Variants in ADCY2 observed in about 807,000 individuals in gnomAD.
ADCY2 encodes adenylate cyclase type 2.
In ADCY2, 31 loss-of-function variants were observed where a neutral mutation model predicts 125.2. That is an observed-to-expected ratio of 0.25 (90% CI 0.19 to 0.33). The LOEUF is 0.33. ADCY2 is among the 10% of genes least tolerant of loss of function. The pLI is 1.00. For synonymous variants in ADCY2, 512 were observed against 548.4 expected, an observed-to-expected ratio of 0.93 and a Z score of 0.93; for missense variants, 904 against 1,418.2, an observed-to-expected ratio of 0.64 and a Z score of 5.82.
intron 2 of ADCY2, among the ~76,000 whole-genome samples, chr5:7,459,821 C>G (rs1440392818): frequency 1.8e-5 from 2 of 112,040 alleles, no homozygotes; most frequent in Non-Finnish European, 3.3e-5. Context: ...GAGTCTGGCT[C>G]TCTCGCCCAG....
At chr5:7,573,017 A>T (rs1474897820) in intron 3 of ADCY2, among the ~76,000 whole-genome samples, 2 of 152,134 alleles carry the variant, frequency 1.3e-5, no homozygotes, top group Non-Finnish European at 2.9e-5. Flanking sequence ...TTGAAGAGAC[A>T]ATTAGGACAC....
intron 2 of ADCY2, among the ~76,000 whole-genome samples, chr5:7,471,384 ATTTTGGCT>A (rs1742331312): frequency 2.0e-5 from 3 of 151,616 alleles, no homozygotes; most frequent in African/African-American, 7.2e-5. Flanking sequence ...AAAATCTCCC[ATTTTGGCT>A]TATTATTTAT....
chr5:7,445,234 G>T (rs183031790), intron 2 of ADCY2, among the ~76,000 whole-genome samples: 106 of 152,106 alleles, frequency 7.0e-4, no homozygotes, highest in Non-Finnish European at 1.1e-3. Flanking sequence ...ACTGATTCAT[G>T]GGGCATTTGT....
At position 7,664,753 on chromosome 5, in the gene ADCY2, T is replaced by A. The variant is rs182311279; in HGVS notation, c.721-25938T>A. On this transcript the variant is annotated intron_variant, in intron 4 of 24. Coordinates refer to ENST00000338316, the MANE Select transcript of ADCY2 (RefSeq NM_020546.3). The stretch of plus-strand genomic sequence containing the variant: ...CTTCTTCCTTTCCAGACCCAGGAAA[T>A]CATCAACTAAGAGACAGGCACCCTT... Among the ~76,000 whole-genome samples the A allele has an allele frequency of 3.9e-5, 6 of 152,218 alleles. No homozygotes were observed. In the East Asian group the frequency reaches 7.7e-4, roughly 20 times the overall value.
intron 14 of ADCY2, among the ~76,000 whole-genome samples, chr5:7,731,456 A>G (rs1742102767): frequency 6.6e-6 from 1 of 151,832 alleles, no homozygotes; most frequent in Non-Finnish European, 1.5e-5. Flanking sequence ...GGGTTTCACC[A>G]TATTTGTCAG....
chr5:7,495,644 T>C (rs1413536446), intron 2 of ADCY2, among the ~76,000 whole-genome samples: 2 of 152,238 alleles, frequency 1.3e-5, no homozygotes, highest in Admixed American at 6.5e-5. Flanking sequence ...GCTTCTTAAA[T>C]AGTGTTTTAT....
intron 3 of ADCY2, among the ~76,000 whole-genome samples, chr5:7,542,409 C>T (rs1007838948): frequency 1.3e-5 from 2 of 151,978 alleles, no homozygotes; most frequent in African/African-American, 4.8e-5. Context: ...TTGCCAGTGT[C>T]CCTGATTCAA....
chr5:7,654,294 T>C, intron 4 of ADCY2: 1 of 372,440 alleles, frequency 2.7e-6, no homozygotes, highest in South Asian at 2.0e-5. Flanking sequence ...TCTGGTGGGG[T>C]GGCGGGGAGA....
chr5:7,756,799 A>C (rs989266006), intron 15 of ADCY2, among the ~76,000 whole-genome samples: 4 of 152,222 alleles, frequency 2.6e-5, no homozygotes, highest in Non-Finnish European at 5.9e-5. Flanking sequence ...GTACACTTGA[A>C]AATGGTTTAA....
At chr5:7,781,966 G>T (rs912255495) in intron 18 of ADCY2, among the ~76,000 whole-genome samples, 1 of 152,172 alleles carries the variant, frequency 6.6e-6, no homozygotes, top group African/African-American at 2.4e-5. Context: ...GTAGGAGTTG[G>T]CAGTTCTCTT....
chr5:7,724,064 G>A (rs1041933164), intron 12 of ADCY2, among the ~76,000 whole-genome samples: 1 of 127,544 alleles, frequency 7.8e-6, no homozygotes, highest in African/African-American at 2.9e-5. Context: ...AATCTTAAAA[G>A]CACTCTGATG....
At chr5:7,639,840 C>T (rs1439268201) in intron 4 of ADCY2, among the ~76,000 whole-genome samples, 1 of 152,118 alleles carries the variant, frequency 6.6e-6, no homozygotes, top group Non-Finnish European at 1.5e-5. Context: ...GCCTGTATTC[C>T]TCTAGTTTCT....
At chr5:7,651,158 C>T (rs1286021062) in intron 4 of ADCY2, among the ~76,000 whole-genome samples, 4 of 152,056 alleles carry the variant, frequency 2.6e-5, no homozygotes, top group Non-Finnish European at 4.4e-5. Context: ...CAAGCGTATC[C>T]GAGGCACCAA....
At position 7,826,725 on chromosome 5, in the gene ADCY2, G is replaced by A. The variant is rs759926718; in HGVS notation, c.3130G>A (p.Glu1044Lys). The A allele has an allele frequency of 1.6e-5, 26 of 1,613,688 alleles. No individual in the cohort carries two copies. The highest frequency in any genetic ancestry group is 6.7e-5 in the African/African-American group (5 of 74,826). Residue 1044 changes from glutamate (E) to lysine (K), a missense_variant, in exon 25 of 25, where the codon GAG becomes AAG. By Grantham distance (56) the Glu-to-Lys change is moderately conservative. This residue lies in a region of ADCY2 where 181 missense variants were observed against 381.6 expected (regional missense o/e 0.47). Coordinates refer to ENST00000338316, the MANE Select transcript of ADCY2 (RefSeq NM_020546.3). ...GTGTTCCTGTGCCTTCTAGGTTACC[G>A]AGGAGACGAGCCTCGTCCTGCAGAC... Reference protein sequence around the residue: ...TGVLDKIQVTEETSLVLQTLG... With the variant: ...TGVLDKIQVTKETSLVLQTLG...
intron 24 of ADCY2, among the ~76,000 whole-genome samples, chr5:7,824,581 C>T (rs1745408056): frequency 6.6e-6 from 1 of 152,166 alleles, no homozygotes; most frequent in Non-Finnish European, 1.5e-5. Flanking sequence ...CAAAGCACTC[C>T]CGGGGCTCCT....
At chr5:7,526,706 C>T (rs1579537840) in intron 3 of ADCY2, among the ~76,000 whole-genome samples, 3 of 152,100 alleles carry the variant, frequency 2.0e-5, no homozygotes, top group East Asian at 3.9e-4. Context: ...ATTTTTCAGC[C>T]ACTCTCTGAT....
chr5:7,404,986 C>T (rs1739419788), intron 1 of ADCY2, among the ~76,000 whole-genome samples: 1 of 152,128 alleles, frequency 6.6e-6, no homozygotes, highest in Non-Finnish European at 1.5e-5. Context: ...GAATGATCAT[C>T]CTAAAAGAAA....
At chr5:7,564,526 C>G (rs1323658203) in intron 3 of ADCY2, among the ~76,000 whole-genome samples, 1 of 152,118 alleles carries the variant, frequency 6.6e-6, no homozygotes, top group African/African-American at 2.4e-5. Context: ...TCAAGGCCAC[C>G]CAGCTGGCGG....
intron 2 of ADCY2, among the ~76,000 whole-genome samples, chr5:7,501,621 A>C (rs1743576588): frequency 8.4e-6 from 1 of 119,104 alleles, no homozygotes; most frequent in Non-Finnish European, 1.8e-5. Context: ...CTCATATCCC[A>C]TCAAAAAAGA....
Sources: allele counts gnomAD v4.1 joint callset (sites outside exome capture counted in the v4.1 genomes callset), GRCh38; gene constraint gnomAD v4.1.1; regional missense constraint gnomAD v4.1.1; transcripts MANE v1.5; gene names NCBI Gene and HGNC (gene_info 2026-07-23, HGNC 2026-07-21).